Variants in ATOSA observed in about 807,000 individuals in gnomAD.
The protein encoded by ATOSA is atos homolog protein A.
chr15:52,584,666 G>A, the ATOSA span: 4 of 1,219,252 alleles, frequency 3.3e-6, no homozygotes, highest in Non-Finnish European at 4.6e-6. Flanking sequence ...GGTCTAGTTA[G>A]AGTCACAGTT....
the ATOSA span, among the ~76,000 whole-genome samples, chr15:52,683,975 C>A: frequency 6.6e-6 from 1 of 152,190 alleles, no homozygotes; most frequent in Admixed American, 6.5e-5. Flanking sequence ...TGTCTTTTTT[C>A]TGAACACATA....
At chr15:52,608,802 T>C in the ATOSA span, 1 of 1,603,220 alleles carries the variant, frequency 6.2e-7, no homozygotes, top group Admixed American at 1.7e-5. Flanking sequence ...AGTCTTTATT[T>C]GAGGACATGC....
the ATOSA span, among the ~76,000 whole-genome samples, chr15:52,666,331 C>A: frequency 6.6e-6 from 1 of 152,200 alleles, no homozygotes; most frequent in Non-Finnish European, 1.5e-5. Flanking sequence ...AGTTGCCCCC[C>A]AGACTCACAC....
the ATOSA span, among the ~76,000 whole-genome samples, chr15:52,679,966 G>T: frequency 1.1e-4 from 16 of 151,614 alleles, no homozygotes; most frequent in Non-Finnish European, 1.9e-4. Flanking sequence ...GAGAATTTAA[G>T]AACAGGAAGC....
the ATOSA span, among the ~76,000 whole-genome samples, chr15:52,583,112 C>A: frequency 6.6e-6 from 1 of 152,180 alleles, no homozygotes; most frequent in African/African-American, 2.4e-5. Flanking sequence ...ACTCTTCCCT[C>A]CTTTCTGAAG....
the ATOSA span, among the ~76,000 whole-genome samples, chr15:52,703,791 T>C: frequency 6.6e-6 from 1 of 152,100 alleles, no homozygotes; most frequent in Non-Finnish European, 1.5e-5. Flanking sequence ...TGTATAACTA[T>C]GTAACAAACC....
the ATOSA span, chr15:52,600,077 A>C: frequency 1.1e-6 from 1 of 912,170 alleles, no homozygotes. Context: ...GACACCCTAG[A>C]ACCTAGGGTA....
At chr15:52,627,622 A>G in the ATOSA span, among the ~76,000 whole-genome samples, 4 of 152,276 alleles carry the variant, frequency 2.6e-5, no homozygotes, top group African/African-American at 9.6e-5. Context: ...TATCAGCCCT[A>G]CATTAAGGGA....
At chr15:52,589,247 T>C in the ATOSA span, among the ~76,000 whole-genome samples, 3 of 152,082 alleles carry the variant, frequency 2.0e-5, no homozygotes, top group Admixed American at 6.5e-5. Context: ...TGTATACCAC[T>C]TTTTTTTAAA....
At chr15:52,646,017 A>G in the ATOSA span, among the ~76,000 whole-genome samples, 1 of 152,228 alleles carries the variant, frequency 6.6e-6, no homozygotes, top group Non-Finnish European at 1.5e-5. Context: ...TTCCAAAATT[A>G]TCCTTAAACT....
the ATOSA span, among the ~76,000 whole-genome samples, chr15:52,583,979 A>G: frequency 1.3e-4 from 20 of 152,010 alleles, no homozygotes; most frequent in African/African-American, 4.8e-4. Context: ...TATATAAAGA[A>G]AGATAGCAGG....
chr15:52,688,373 C>T, the ATOSA span, among the ~76,000 whole-genome samples: 1 of 152,130 alleles, frequency 6.6e-6, no homozygotes, highest in Non-Finnish European at 1.5e-5. Flanking sequence ...TGAACTAAAG[C>T]AATGGCATCA....
the ATOSA span, among the ~76,000 whole-genome samples, chr15:52,597,881 T>A: frequency 6.6e-6 from 1 of 152,178 alleles, no homozygotes; most frequent in East Asian, 1.9e-4. Context: ...TCCCAGCACT[T>A]TGGGAGGCCG....
At chr15:52,688,930 G>C in the ATOSA span, among the ~76,000 whole-genome samples, 1 of 152,242 alleles carries the variant, frequency 6.6e-6, no homozygotes, top group Non-Finnish European at 1.5e-5. Context: ...AAGGTAGCCT[G>C]GGCCCAACTG....
chr15:52,639,310 T>A, the ATOSA span, among the ~76,000 whole-genome samples: 1 of 152,198 alleles, frequency 6.6e-6, no homozygotes, highest in Non-Finnish European at 1.5e-5. Context: ...CAAGCACAGT[T>A]CTCATAGTAA....
the ATOSA span, among the ~76,000 whole-genome samples, chr15:52,641,728 T>C: frequency 6.6e-6 from 1 of 152,220 alleles, no homozygotes; most frequent in Admixed American, 6.5e-5. Context: ...CAGTTGTAAA[T>C]ATATCACCTT....
At chr15:52,706,905 G>A in the ATOSA span, among the ~76,000 whole-genome samples, 1 of 152,280 alleles carries the variant, frequency 6.6e-6, no homozygotes, top group Admixed American at 6.5e-5. Context: ...GGAAATGGGG[G>A]ATGACTGCTA....
chr15:52,670,283 G>A, the ATOSA span, among the ~76,000 whole-genome samples: 1 of 152,160 alleles, frequency 6.6e-6, no homozygotes, highest in Non-Finnish European at 1.5e-5. Context: ...TGTTAGCAGA[G>A]GAAACCATTT....
At chr15:52,670,237 A>G in the ATOSA span, among the ~76,000 whole-genome samples, 180 of 152,314 alleles carry the variant, frequency 1.2e-3, no homozygotes, top group African/African-American at 4.1e-3. Flanking sequence ...TGAAACACTC[A>G]TTTCCTCAGT....
Sources: gnomAD v4.1 joint callset for allele counts (sites outside exome capture counted in the v4.1 genomes callset) on GRCh38, gnomAD v4.1.1 for gene constraint, MANE v1.5 for transcripts, NCBI Gene and HGNC (gene_info 2026-07-23, HGNC 2026-07-21) for gene names.